Variants in SLC2A9 observed in about 807,000 individuals in gnomAD.
SLC2A9 encodes the protein solute carrier family 2 member 9.
A neutral mutation model predicts 50.6 loss-of-function variants in SLC2A9; 39 were observed. The ratio of observed to expected loss-of-function variants is 0.77; its 90% CI spans 0.60 to 1.01. The LOEUF (loss-of-function observed/expected upper bound fraction) is 1.01, where lower values mean the gene tolerates loss of function less well. Ranked by LOEUF, SLC2A9 falls within the 50% of genes least tolerant of loss-of-function variation. The pLI is 0.00. For missense variants in SLC2A9, 686 were observed against 677.6 expected (o/e 1.01, Z -0.14); for synonymous variants, 324 against 276.9 (o/e 1.17, Z -1.69).
rs1370604791 is a variant in SLC2A9 at position 9,782,342 on chromosome 4, G to T, written n.386-2277C>A. 23 of 1,613,930 alleles carry T rather than the reference G, an allele frequency of 1.4e-5. No individual in the cohort carries two copies. The highest frequency in any genetic ancestry group is 1.9e-5 in the Non-Finnish European group (23 of 1,179,882). On this transcript the variant is annotated intron_variant and non_coding_transcript_variant, in intron 3 of 3. Transcript: ENST00000503803. ...CTGGAAGGCAGTCGCCGAGGTGGCCGGTTACTGGCCCTTTGGAGCGTTCTG... is the reference window on the plus strand; with the variant it reads ...CTGGAAGGCAGTCGCCGAGGTGGCCTGTTACTGGCCCTTTGGAGCGTTCTG...
At chr4:9,872,636 T>C (rs145993220) in intron 10 of SLC2A9, among the ~76,000 whole-genome samples, 6 of 152,378 alleles carry the variant, frequency 3.9e-5, no homozygotes, top group African/African-American at 1.2e-4. Flanking sequence ...TTTTTGTGGA[T>C]AAAAGTATAT....
intron 3 of SLC2A9, among the ~76,000 whole-genome samples, chr4:9,809,686 G>A (rs1722621551): frequency 6.6e-6 from 1 of 152,120 alleles, no homozygotes; most frequent in Non-Finnish European, 1.5e-5. Context: ...TAAATAGTGA[G>A]ACCAATACCT....
At chr4:9,817,600 A>T (rs1453493583) in intron 3 of SLC2A9, among the ~76,000 whole-genome samples, 1 of 152,260 alleles carries the variant, frequency 6.6e-6, no homozygotes, top group Non-Finnish European at 1.5e-5. Context: ...TCGTTACTGC[A>T]AATGTTTAAA....
intron 9 of SLC2A9, among the ~76,000 whole-genome samples, chr4:9,889,945 A>T (rs149552851): frequency 6.6e-6 from 1 of 152,180 alleles, no homozygotes; most frequent in Non-Finnish European, 1.5e-5. Context: ...CCTTATCTCC[A>T]TAAAACAAAA....
chr4:9,837,778 T>G (rs982513021), intron 10 of SLC2A9, among the ~76,000 whole-genome samples: 1 of 152,208 alleles, frequency 6.6e-6, no homozygotes, highest in African/African-American at 2.4e-5. Flanking sequence ...TCACTAGGCC[T>G]TCAGACCAAG....
At chr4:9,880,750 C>G (rs1015264087) in intron 10 of SLC2A9, among the ~76,000 whole-genome samples, 3 of 152,214 alleles carry the variant, frequency 2.0e-5, no homozygotes, top group Non-Finnish European at 4.4e-5. Flanking sequence ...AGCATTAAAT[C>G]ACACCATGAA....
chr4:9,851,443 A>G (rs1159682353), intron 10 of SLC2A9, among the ~76,000 whole-genome samples: 1 of 152,220 alleles, frequency 6.6e-6, no homozygotes, highest in Non-Finnish European at 1.5e-5. Flanking sequence ...AGTAGCCTCA[A>G]AGATTGTAGG....
Position 10,000,141 on chromosome 4 carries a change from T to C in SLC2A9, c.250-3200A>G, listed in dbSNP as rs868698635. ...TCTGGATTCACAACTATCTTACTCA[T>C]AGCACGGAGTGAGGATAGAATATAT... On this transcript the variant is annotated intron_variant, in intron 2 of 11. Coordinates refer to ENST00000264784, the MANE Select transcript of SLC2A9 (RefSeq NM_020041.3). Among the ~76,000 whole-genome samples, 4 of 152,318 alleles carry C rather than the reference T, an allele frequency of 2.6e-5. No homozygotes were observed. In the South Asian group the frequency reaches 8.3e-4, roughly 32 times the overall value.
downstream of SLC2A9, among the ~76,000 whole-genome samples, chr4:9,823,829 G>A (rs1477394087): frequency 6.6e-6 from 1 of 152,188 alleles, no homozygotes; most frequent in Admixed American, 6.5e-5. Context: ...CAAGAAGATT[G>A]TAATTGTGTT....
At chr4:9,986,027 G>A (rs1560440172) in intron 3 of SLC2A9, among the ~76,000 whole-genome samples, 1 of 152,098 alleles carries the variant, frequency 6.6e-6, no homozygotes, top group Non-Finnish European at 1.5e-5. Flanking sequence ...ATTCTCTGTG[G>A]TAGTATTTTA....
intron 8 of SLC2A9, among the ~76,000 whole-genome samples, chr4:9,899,343 T>C (rs1739176412): frequency 1.3e-5 from 2 of 152,364 alleles, no homozygotes; most frequent in Admixed American, 1.3e-4. Flanking sequence ...CAGCTCCCTC[T>C]GCAGAGAACA....
chr4:9,959,472 T>C (rs1205637187), intron 5 of SLC2A9, among the ~76,000 whole-genome samples: 2 of 151,682 alleles, frequency 1.3e-5, no homozygotes, highest in South Asian at 2.1e-4. Flanking sequence ...GGATAATATC[T>C]AAAGAAAATG....
At chr4:9,875,381 C>T (rs113286833) in intron 10 of SLC2A9, among the ~76,000 whole-genome samples, 49 of 150,590 alleles carry the variant, frequency 3.3e-4, no homozygotes, top group Middle Eastern at 3.4e-3. Context: ...CATAGGTTAG[C>T]GTCTGTCTCA....
chr4:9,786,374 T>A (rs1366111382), intron 3 of SLC2A9, among the ~76,000 whole-genome samples: 4 of 152,216 alleles, frequency 2.6e-5, no homozygotes, highest in African/African-American at 7.2e-5. Flanking sequence ...CTAACTGCTC[T>A]TTGATGGTGA....
At chr4:9,989,204 GGC>G (rs1402527412) in intron 3 of SLC2A9, among the ~76,000 whole-genome samples, 1 of 152,072 alleles carries the variant, frequency 6.6e-6, no homozygotes, top group Non-Finnish European at 1.5e-5. Context: ...ACATATGCCT[GGC>G]AAAACCCCAG....
chr4:9,824,367 A>G (rs970017030), downstream of SLC2A9, among the ~76,000 whole-genome samples: 2 of 152,214 alleles, frequency 1.3e-5, no homozygotes, highest in Admixed American at 6.5e-5. Flanking sequence ...ATTCTGTTAT[A>G]AGCAGTAGAA....
intron 6 of SLC2A9, among the ~76,000 whole-genome samples, chr4:9,921,136 G>A (rs1255173644): frequency 6.6e-6 from 1 of 152,158 alleles, no homozygotes; most frequent in African/African-American, 2.4e-5. Context: ...GAAGGATTGA[G>A]CTTAACGACT....
At chr4:9,870,928 T>G (rs949160363) in intron 10 of SLC2A9, among the ~76,000 whole-genome samples, 12 of 152,124 alleles carry the variant, frequency 7.9e-5, no homozygotes, top group South Asian at 2.1e-4. Flanking sequence ...AAGATTTTTT[T>G]GGGGGGTGTG....
At chr4:9,954,483 A>G (rs4312756) in intron 5 of SLC2A9, among the ~76,000 whole-genome samples, 9,838 of 152,276 alleles carry the variant, frequency 0.065, 815 homozygotes, top group East Asian at 0.46. Context: ...GGAGTTACTT[A>G]TGGGGTTACT....
Sources: allele counts gnomAD v4.1 joint callset (sites outside exome capture counted in the v4.1 genomes callset), GRCh38; gene constraint gnomAD v4.1.1; transcripts MANE v1.5; gene names NCBI Gene and HGNC (gene_info 2026-07-23, HGNC 2026-07-21).